The following TMEM117 variants were observed in gnomAD, a reference collection of about 807,000 sequenced individuals.
TMEM117 encodes transmembrane protein 117.
Under a neutral mutation model 52.4 loss-of-function variants are expected in TMEM117, and 27 were observed. The observed-to-expected ratio is 0.51, with a 90% CI of 0.38 to 0.71. The LOEUF (loss-of-function observed/expected upper bound fraction) is 0.71. TMEM117 is among the 30% of genes least tolerant of loss of function. The pLI is 0.00. For synonymous variants in TMEM117, 215 were observed against 206.3 expected (o/e 1.04, Z -0.36); for missense variants, 556 against 630.5 (o/e 0.88, Z 1.26).
At chr12:43,931,540 G>A (rs1944870974) in intron 2 of TMEM117, among the ~76,000 whole-genome samples, 1 of 152,154 alleles carries the variant, frequency 6.6e-6, no homozygotes, top group South Asian at 2.1e-4. Context: ...TGTTCCATAT[G>A]TTTCAGAGGG....
intron 4 of TMEM117, among the ~76,000 whole-genome samples, chr12:44,151,900 ATTT>A (rs1948732136): frequency 7.8e-6 from 1 of 128,552 alleles, no homozygotes; most frequent in African/African-American, 2.9e-5. Flanking sequence ...ATTTAATATC[ATTT>A]AATATATAAT....
chr12:43,942,037 C>T (rs992091187), intron 2 of TMEM117, among the ~76,000 whole-genome samples: 3 of 152,102 alleles, frequency 2.0e-5, no homozygotes, highest in African/African-American at 4.8e-5. Flanking sequence ...CTCTAATTGC[C>T]GGTCTTTGAA....
At chr12:44,307,273 A>G (rs1691081437) in intron 6 of TMEM117, among the ~76,000 whole-genome samples, 1 of 152,250 alleles carries the variant, frequency 6.6e-6, no homozygotes, top group Non-Finnish European at 1.5e-5. Flanking sequence ...TATATTTTCA[A>G]GATAAGTTAT....
chr12:44,141,372 CCTCT>C (rs925830431), intron 3 of TMEM117, among the ~76,000 whole-genome samples: 1 of 151,976 alleles, frequency 6.6e-6, no homozygotes, highest in Non-Finnish European at 1.5e-5. Context: ...TTTTCCTGAT[CCTCT>C]CTCTCCTCCC....
intron 6 of TMEM117, among the ~76,000 whole-genome samples, chr12:44,355,944 CAGT>C (rs1251752287): frequency 6.6e-6 from 1 of 152,018 alleles, no homozygotes; most frequent in Non-Finnish European, 1.5e-5. Context: ...GTGGCTAACT[CAGT>C]GGCTTTCCAG....
At chr12:44,092,330 G>A (rs1358695000) in intron 3 of TMEM117, among the ~76,000 whole-genome samples, 1 of 152,178 alleles carries the variant, frequency 6.6e-6, no homozygotes, top group Non-Finnish European at 1.5e-5. Context: ...CTCTGACAGG[G>A]TGTTCCTTTC....
At chr12:44,089,565 C>T (rs141733628) in intron 3 of TMEM117, among the ~76,000 whole-genome samples, 48 of 152,230 alleles carry the variant, frequency 3.2e-4, no homozygotes, top group African/African-American at 8.7e-4. Context: ...TGTCCCACCC[C>T]ACAGATTTTC....
At chr12:44,014,398 T>G (rs1565792594) in intron 3 of TMEM117, among the ~76,000 whole-genome samples, 1 of 152,146 alleles carries the variant, frequency 6.6e-6, no homozygotes, top group African/African-American at 2.4e-5. Context: ...GAGCTGAGTT[T>G]CTCATAACCT....
At position 43,847,016 on chromosome 12, in the gene TMEM117, A is replaced by G. The variant is rs1943222044; in HGVS notation, c.277+2088A>G. ...GTATAGATGCACATAGTTTCTAGAC[A>G]TTTGGTGAGAAACTAGAAGAAAGAA... On this transcript the variant is annotated intron_variant, in intron 2 of 7. Coordinates refer to ENST00000266534, the MANE Select transcript of TMEM117 (RefSeq NM_032256.3). 2.0e-5 allele frequency among the ~76,000 whole-genome samples: 3 copies of G among 152,218 alleles called. No individual in the cohort carries two copies. In the South Asian group the frequency reaches 6.2e-4, roughly 31 times the overall value.
At chr12:43,993,463 C>T (rs1945976857) in intron 3 of TMEM117, among the ~76,000 whole-genome samples, 1 of 152,064 alleles carries the variant, frequency 6.6e-6, no homozygotes, top group South Asian at 2.1e-4. Flanking sequence ...TAGATGTAAG[C>T]ATTTCCTAAG....
chr12:44,014,693 A>G (rs779978544), intron 3 of TMEM117, among the ~76,000 whole-genome samples: 3 of 152,194 alleles, frequency 2.0e-5, no homozygotes, highest in African/African-American at 7.2e-5. Context: ...AGCAAGGAAA[A>G]TGAACACTGG....
intron 3 of TMEM117, among the ~76,000 whole-genome samples, chr12:44,111,586 T>C (rs200302876): frequency 0.012 from 1,052 of 90,846 alleles, 37 homozygotes; most frequent in African/African-American, 0.05. Flanking sequence ...TTGTTATAAT[T>C]TCTGTTCTTT....
intron 3 of TMEM117, among the ~76,000 whole-genome samples, chr12:43,962,687 G>A (rs1352174238): frequency 6.6e-6 from 1 of 152,160 alleles, no homozygotes; most frequent in Admixed American, 6.5e-5. Flanking sequence ...TTGGGAGGCC[G>A]AGGTGGGCGG....
intron 3 of TMEM117, among the ~76,000 whole-genome samples, chr12:44,129,505 T>C (rs1411986064): frequency 6.6e-6 from 1 of 152,166 alleles, no homozygotes; most frequent in African/African-American, 2.4e-5. Context: ...AACTTTCTTA[T>C]CTTAACCCAG....
At chr12:43,941,229 A>T (rs1334029397) in intron 2 of TMEM117, among the ~76,000 whole-genome samples, 2 of 152,206 alleles carry the variant, frequency 1.3e-5, no homozygotes, top group Admixed American at 1.3e-4. Context: ...TATCCCTCTT[A>T]GTGATGTTTT....
the TMEM117 span, chr12:43,802,522 G>T: frequency 8.0e-7 from 1 of 1,251,730 alleles, no homozygotes; most frequent in Non-Finnish European, 1.1e-6. Flanking sequence ...AAGTGGTAGT[G>T]TGATGAAGAC....
intron 5 of TMEM117, among the ~76,000 whole-genome samples, chr12:44,274,077 A>G (rs1359366469): frequency 6.6e-6 from 1 of 152,094 alleles, no homozygotes; most frequent in Non-Finnish European, 1.5e-5. Flanking sequence ...AAGACTCCAC[A>G]AAAAAACTAT....
chr12:44,265,126 G>A (rs532575777), intron 5 of TMEM117, among the ~76,000 whole-genome samples: 21 of 152,114 alleles, frequency 1.4e-4, no homozygotes, highest in African/African-American at 2.7e-4. Flanking sequence ...CTTTTGCCTG[G>A]GAGTTTAGAG....
In TMEM117 at chr12:43,840,768, C is replaced by T. The variant is rs1048189538; in HGVS notation, c.-28-3856C>T. Among the ~76,000 whole-genome samples the T allele has an allele frequency of 3.9e-5, 6 of 152,306 alleles. No individual in the cohort carries two copies. The East Asian group carries it at 7.7e-4, about 20-fold the overall frequency. On this transcript the variant is annotated intron_variant, in intron 1 of 7. Coordinates refer to ENST00000266534, the MANE Select transcript of TMEM117 (RefSeq NM_032256.3). ...AGTGAGCCAGGAGCTAAGATAAAAG[C>T]TCATTCTCATCTGTGGTTATAGAAA...
Sources: allele counts gnomAD v4.1 joint callset (sites outside exome capture counted in the v4.1 genomes callset), GRCh38; gene constraint gnomAD v4.1.1; transcripts MANE v1.5; gene names NCBI Gene and HGNC (gene_info 2026-07-23, HGNC 2026-07-21).